Variants in USH2A observed in about 807,000 individuals in gnomAD.
USH2A encodes usherin, also known as Usher syndrome 2A (autosomal recessive, mild).
USH2A carries 443 observed loss-of-function variants against 538.9 expected under a neutral mutation model. The ratio of observed to expected loss-of-function variants is 0.82; its 90% CI spans 0.76 to 0.89. The LOEUF (loss-of-function observed/expected upper bound fraction) is 0.89, where lower values mean the gene tolerates loss of function less well. Among genes scored for constraint, USH2A ranks in the 40% least tolerant of loss-of-function variants. The pLI is 0.00. For synonymous variants in USH2A, 2,413 were observed against 2,273.5 expected, an observed-to-expected ratio of 1.06 and a Z score of -1.75; for missense variants, 6,633 against 6,324.8, an observed-to-expected ratio of 1.05 and a Z score of -1.65.
At chr1:216,376,318 T>G (rs1304257971) in intron 3 of USH2A, among the ~76,000 whole-genome samples, 1 of 152,158 alleles carries the variant, frequency 6.6e-6, no homozygotes, top group Non-Finnish European at 1.5e-5. Flanking sequence ...ATCAAATGAA[T>G]GAAGCTTCAT....
chr1:216,133,635 C>G (rs1345497813), intron 21 of USH2A, among the ~76,000 whole-genome samples: 1 of 152,040 alleles, frequency 6.6e-6, no homozygotes, highest in Non-Finnish European at 1.5e-5. Context: ...AAATGTAAGG[C>G]CATATTTATT....
At chr1:216,018,447 C>T (rs1262641687) in intron 32 of USH2A, among the ~76,000 whole-genome samples, 1 of 152,132 alleles carries the variant, frequency 6.6e-6, no homozygotes, top group Non-Finnish European at 1.5e-5. Flanking sequence ...CATCTGAACC[C>T]TTGCAAGCAC....
chr1:216,014,245 A>T (rs1668650796), intron 32 of USH2A, among the ~76,000 whole-genome samples: 1 of 152,162 alleles, frequency 6.6e-6, no homozygotes. Context: ...GGGGGGAAGG[A>T]GTAGTCATGT....
chr1:216,005,365 A>T (rs1158851979), intron 32 of USH2A, among the ~76,000 whole-genome samples: 1 of 152,170 alleles, frequency 6.6e-6, no homozygotes, highest in Admixed American at 6.5e-5. Context: ...TACTAAAACA[A>T]GTTCAATATT....
chr1:216,192,260 A>G (rs566535814), intron 19 of USH2A, among the ~76,000 whole-genome samples: 1 of 152,232 alleles, frequency 6.6e-6, no homozygotes, highest in Admixed American at 6.5e-5. Context: ...TTATTTACAA[A>G]GATTATAACA....
In USH2A at chr1:215,846,806, C is replaced by T. The variant is rs188119114; in HGVS notation, c.8846-773G>A. Among the ~76,000 whole-genome samples the T allele has an allele frequency of 1.1e-4, 16 of 152,206 alleles. No individual in the cohort carries two copies. In the East Asian group the frequency reaches 2.7e-3, roughly 26 times the overall value. ...ATAAGAGCATTTCCTGACACAGATC[C>T]TAGAGACATTTTTTTAACTTGCTAA... On this transcript the variant is annotated intron_variant, in intron 44 of 71. Coordinates refer to ENST00000307340, the MANE Select transcript of USH2A (RefSeq NM_206933.4).
chr1:216,331,320 G>T (rs2037858860), intron 4 of USH2A, among the ~76,000 whole-genome samples: 1 of 151,996 alleles, frequency 6.6e-6, no homozygotes, highest in Non-Finnish European at 1.5e-5. Context: ...ATATGGCAAA[G>T]ATATGTCTAA....
chr1:216,242,432 G>C (rs2035957952), intron 13 of USH2A, among the ~76,000 whole-genome samples: 1 of 151,640 alleles, frequency 6.6e-6, no homozygotes, highest in Non-Finnish European at 1.5e-5. Context: ...CACAATAAGG[G>C]GTTCATTTAA....
At chr1:215,754,292 C>T (rs1263068823) in intron 58 of USH2A, among the ~76,000 whole-genome samples, 1 of 152,088 alleles carries the variant, frequency 6.6e-6, no homozygotes, top group East Asian at 1.9e-4. Flanking sequence ...GGTACTCTTC[C>T]CCTGGGTATT....
chr1:216,085,079 C>G, intron 24 of USH2A: 1 of 575,460 alleles, frequency 1.7e-6, no homozygotes, highest in Non-Finnish European at 3.1e-6. Flanking sequence ...CTGGTTCAAA[C>G]CCATCATATC....
intron 16 of USH2A, 112 bp from the exon 17 acceptor site, chr1:216,200,233 C>G: frequency 1.8e-6 from 2 of 1,119,666 alleles, no homozygotes; most frequent in East Asian, 5.1e-5. Context: ...TACCAATCTA[C>G]TCTTTTGATT....
At chr1:216,160,909 A>G (rs2034045390) in intron 21 of USH2A, among the ~76,000 whole-genome samples, 1 of 152,096 alleles carries the variant, frequency 6.6e-6, no homozygotes, top group Non-Finnish European at 1.5e-5. Flanking sequence ...TTTTATATAC[A>G]TATCTGAAAC....
At chr1:215,768,960 T>C (rs1047799219) in intron 55 of USH2A, among the ~76,000 whole-genome samples, 2 of 152,194 alleles carry the variant, frequency 1.3e-5, no homozygotes, top group African/African-American at 4.8e-5. Flanking sequence ...AGCATGCCCA[T>C]CATAGTGTCC....
rs529724761 is a variant in USH2A, at chr1:215,868,465, C to A, written c.8682-1295G>T. ...TTTATCTATTTCTCCTAAATATGTGCTTGCATCAGATCTTCTACACCTCCC... is the reference window on the plus strand; with the variant it reads ...TTTATCTATTTCTCCTAAATATGTGATTGCATCAGATCTTCTACACCTCCC... On this transcript the variant is annotated intron_variant, in intron 43 of 71. Transcript: ENST00000307340. 2.0e-5 allele frequency among the ~76,000 whole-genome samples: 3 copies of A among 152,302 alleles called. No homozygotes were observed. In the East Asian group the frequency reaches 5.8e-4, roughly 29 times the overall value.
intron 32 of USH2A, among the ~76,000 whole-genome samples, chr1:216,012,245 T>C (rs944503608): frequency 1.3e-5 from 2 of 151,952 alleles, no homozygotes; most frequent in African/African-American, 4.8e-5. Flanking sequence ...CCTCTCATTT[T>C]CTTTACATCA....
intron 21 of USH2A, among the ~76,000 whole-genome samples, chr1:216,102,131 A>G (rs2032597050): frequency 6.6e-6 from 1 of 152,072 alleles, no homozygotes. Context: ...CAAATGACAT[A>G]GTGAAAGCAG....
intron 44 of USH2A, among the ~76,000 whole-genome samples, chr1:215,859,699 G>C (rs991709586): frequency 6.6e-6 from 1 of 152,174 alleles, no homozygotes; most frequent in Non-Finnish European, 1.5e-5. Context: ...AGGGATGACT[G>C]TATTTCTTTA....
chr1:215,855,996 A>C (rs1664155812), intron 44 of USH2A, among the ~76,000 whole-genome samples: 1 of 152,212 alleles, frequency 6.6e-6, no homozygotes, highest in South Asian at 2.1e-4. Context: ...TAGAAGAATG[A>C]AACTAGATCC....
intron 21 of USH2A, among the ~76,000 whole-genome samples, chr1:216,116,837 A>C (rs2033020669): frequency 6.6e-6 from 1 of 152,070 alleles, no homozygotes; most frequent in Admixed American, 6.6e-5. Flanking sequence ...GAAGGAAAAA[A>C]AAAGCTAACA....
Sources: allele counts gnomAD v4.1 joint callset (sites outside exome capture counted in the v4.1 genomes callset), GRCh38; gene constraint gnomAD v4.1.1; transcripts MANE v1.5; gene names NCBI Gene and HGNC (gene_info 2026-07-23, HGNC 2026-07-21).